PLEKHA8: variants seen among roughly 807,000 people sequenced by gnomAD.
PLEKHA8 encodes the protein pleckstrin homology domain-containing family A member 8.
In PLEKHA8, 36 loss-of-function variants were observed where a neutral mutation model predicts 68.2. The observed-to-expected ratio is 0.53, with a 90% CI of 0.40 to 0.70. The LOEUF (loss-of-function observed/expected upper bound fraction) is 0.70. Among genes scored for constraint, PLEKHA8 ranks in the 30% least tolerant of loss-of-function variants. The pLI, the probability that PLEKHA8 is intolerant of heterozygous loss-of-function variation, is 0.00. For synonymous variants in PLEKHA8, 211 were observed against 216.1 expected (o/e 0.98, Z 0.20); for missense variants, 505 against 615.4 (o/e 0.82, Z 1.90).
At chr7:30,114,176 G>A (rs1796356443) in intron 13 of PLEKHA8, among the ~76,000 whole-genome samples, 1 of 152,170 alleles carries the variant, frequency 6.6e-6, no homozygotes, top group African/African-American at 2.4e-5. Context: ...TGGGATTACA[G>A]GAGTGAGACA....
At position 30,049,199 on chromosome 7, in the gene PLEKHA8, G is replaced by A. The variant is rs73305152; in HGVS notation, c.439-25G>A. On this transcript the variant is annotated intron_variant, in intron 4 of 13. Coordinates refer to ENST00000449726, the MANE Select transcript of PLEKHA8 (RefSeq NM_001197026.2). ...TTTTCTTTTTTGGCAAGGTAAAGGA[G>A]TCTTCCACTCTGGTTGTTTCGTAGG... The A allele has an allele frequency of 2.5e-4, 401 of 1,613,278 alleles. No homozygotes were observed. In the African/African-American group the frequency reaches 4.8e-3, roughly 19 times the overall value.
At chr7:30,037,062 T>C (rs1463613536) in intron 1 of PLEKHA8, among the ~76,000 whole-genome samples, 3 of 152,088 alleles carry the variant, frequency 2.0e-5, no homozygotes, top group Non-Finnish European at 4.4e-5. Context: ...AGCGCTTAGG[T>C]TGGATATTGG....
chr7:30,050,478 C>A lies in PLEKHA8; in HGVS notation c.638+4C>A. On this transcript the variant is annotated splice_donor_region_variant and intron_variant, in intron 6 of 13. Coordinates refer to ENST00000449726, the MANE Select transcript of PLEKHA8 (RefSeq NM_001197026.2). The stretch of plus-strand genomic sequence containing the variant: ...CAATTCATAATTCATTGGAAAGGTA[C>A]AGTAGCTTTTTTCTTCTTGCTAAAA... 6.4e-7 allele frequency: 1 copy of A among 1,558,310 alleles called. No homozygotes were observed. The highest frequency in any genetic ancestry group is 8.6e-7 in the Non-Finnish European group (1 of 1,157,570).
intron 1 of PLEKHA8, among the ~76,000 whole-genome samples, chr7:30,032,757 T>C (rs892534668): frequency 6.6e-6 from 1 of 152,228 alleles, no homozygotes; most frequent in African/African-American, 2.4e-5. Flanking sequence ...GTTGTGCATA[T>C]GTTTTGCCAC....
intron 13 of PLEKHA8, among the ~76,000 whole-genome samples, chr7:30,121,622 C>T (rs1796699251): frequency 6.7e-6 from 1 of 148,450 alleles, no homozygotes; most frequent in Non-Finnish European, 1.5e-5. Context: ...GAGCGAGACC[C>T]TGTCTAAAAA....
At chr7:30,120,156 T>TAA (rs377419534) in intron 13 of PLEKHA8, among the ~76,000 whole-genome samples, 4 of 101,852 alleles carry the variant, frequency 3.9e-5, no homozygotes, top group Non-Finnish European at 8.4e-5. Flanking sequence ...TACAAATAAT[T>TAA]AAAAAAAAAA....
chr7:30,046,785 A>G (rs1791996367), intron 3 of PLEKHA8, among the ~76,000 whole-genome samples: 1 of 152,200 alleles, frequency 6.6e-6, no homozygotes, highest in Non-Finnish European at 1.5e-5. Flanking sequence ...GGAGTAGTTG[A>G]GCCAGATAAG....
Position 30,084,363 on chromosome 7 carries a change from C to T in PLEKHA8, c.*5576C>T, listed in dbSNP as rs1795089571. 1 of 985,178 alleles carries T rather than the reference C, an allele frequency of 1.0e-6. No homozygotes were observed. Among genetic ancestry groups the T allele is most frequent in the South Asian group, 4.7e-5 (1 of 21,288 alleles). The allele number at this position is 985,178 out of a possible 1,614,324, so 61.0% of individuals were successfully genotyped here. A position where few individuals can be genotyped will look rare whatever the true frequency, so the allele number is the denominator to read the frequency against. On this transcript the variant is annotated 3_prime_UTR_variant, in exon 14 of 14. Coordinates refer to ENST00000449726, the MANE Select transcript of PLEKHA8 (RefSeq NM_001197026.2). Reference sequence around the variant, plus strand: ...CTTGTCTCTCAGCATTTTGAATGAGCATCATAATCAGAGTAGAAGGCAAGT... The same window carrying T: ...CTTGTCTCTCAGCATTTTGAATGAGTATCATAATCAGAGTAGAAGGCAAGT...
At chr7:30,085,465 T>A (rs1405286416), downstream of PLEKHA8, among the ~76,000 whole-genome samples, 1 of 152,232 alleles carries the variant, frequency 6.6e-6, no homozygotes, top group Non-Finnish European at 1.5e-5. Flanking sequence ...TTTCAATGGC[T>A]GTGTGCTTAA....
chr7:30,111,632 T>G (rs1159590420), intron 13 of PLEKHA8, among the ~76,000 whole-genome samples: 1 of 152,116 alleles, frequency 6.6e-6, no homozygotes, highest in East Asian at 1.9e-4. Context: ...GGACTTTTTT[T>G]TTTTTGAGAC....
At chr7:30,056,278 T>TTCTCTCTCTCTCCCTCTCTCTCTCTC (rs1554384846) in intron 9 of PLEKHA8, among the ~76,000 whole-genome samples, 1 of 56,384 alleles carries the variant, frequency 1.8e-5, no homozygotes, top group African/African-American at 6.0e-5. Flanking sequence ...TAAAGATATA[T>TTCTCTCTCTCTCCCTCTCTCTCTCTC]TCTCTCTCTC....
At position 30,059,508 on chromosome 7, in the gene PLEKHA8, A is replaced by G. The variant is rs565664631; in HGVS notation, c.1040-1376A>G. ...ATTTGTTTCTATCATCTTGCTACTT[A>G]TTTTCTGCTTTTCTCTGTATGTTCT... On this transcript the variant is annotated intron_variant, in intron 9 of 13. Coordinates refer to ENST00000449726, the MANE Select transcript of PLEKHA8 (RefSeq NM_001197026.2). 2.7e-5 allele frequency among the ~76,000 whole-genome samples: 4 copies of G among 150,644 alleles called. No individual in the cohort carries two copies. In the South Asian group the frequency reaches 8.4e-4, roughly 32 times the overall value.
At position 30,079,769 on chromosome 7, in the gene PLEKHA8, G is replaced by T. The variant is rs1438092083; in HGVS notation, c.*982G>T. The T allele has an allele frequency of 5.4e-6, 4 of 740,062 alleles. No individual in the cohort carries two copies. The South Asian group carries it at 1.8e-4, about 34-fold the overall frequency. The allele number at this position is 740,062 out of a possible 1,614,324, so 45.8% of individuals were successfully genotyped here. A position where few individuals can be genotyped will look rare whatever the true frequency, so the allele number is the denominator to read the frequency against. ...GGCCTAAAGAACCAGAGTCTAGGTGGTGGGACATAGGAATCTGCATTTCAG... is the reference window on the plus strand; with the variant it reads ...GGCCTAAAGAACCAGAGTCTAGGTGTTGGGACATAGGAATCTGCATTTCAG... On this transcript the variant is annotated 3_prime_UTR_variant, in exon 14 of 14. Transcript: ENST00000449726.
chr7:30,116,181 T>C lies in PLEKHA8; in HGVS notation c.1363-13085T>C, dbSNP rs571313474. Among the ~76,000 whole-genome samples, 9 of 151,078 alleles carry C rather than the reference T, an allele frequency of 6.0e-5. No homozygotes were observed. The South Asian group carries it at 1.7e-3, about 28-fold the overall frequency. On this transcript the variant is annotated intron_variant, in intron 13 of 13. Transcript: ENST00000396257. Reference sequence around the variant, plus strand: ...ACGTATACATGTGTATACATATGTATACATACGCATACATACACGTATACA... The same window carrying C: ...ACGTATACATGTGTATACATATGTACACATACGCATACATACACGTATACA...
chr7:30,095,743 G>A (rs1487962790), downstream of PLEKHA8, among the ~76,000 whole-genome samples: 1 of 152,126 alleles, frequency 6.6e-6, no homozygotes, highest in East Asian at 1.9e-4. Context: ...TTCTACATAT[G>A]GCTAGCCAGT....
At chr7:30,059,044 C>G (rs1284108117) in intron 9 of PLEKHA8, among the ~76,000 whole-genome samples, 1 of 152,208 alleles carries the variant, frequency 6.6e-6, no homozygotes, top group East Asian at 1.9e-4. Context: ...TCACACGAGC[C>G]TGGGATATCA....
chr7:30,091,124 C>G (rs991580480), downstream of PLEKHA8, among the ~76,000 whole-genome samples: 1 of 152,122 alleles, frequency 6.6e-6, no homozygotes, highest in East Asian at 1.9e-4. Context: ...CCCTCCAGTC[C>G]GGGCAATACA....
In PLEKHA8 at chr7:30,082,287, A is replaced by G. The variant is rs1794974080; in HGVS notation, c.*3500A>G. 1.0e-6 allele frequency: 1 copy of G among 985,366 alleles called. No individual in the cohort carries two copies. The highest frequency in any genetic ancestry group is 1.7e-5 in the African/African-American group (1 of 57,218). 61.0% of individuals were successfully genotyped at this position (985,366 alleles called of 1,614,324 possible). A position where few individuals can be genotyped will look rare whatever the true frequency, so the allele number is the denominator to read the frequency against. ...TTTTCTCTCTTCTTTGCTACTGAAA[A>G]TTGCCAGCAGTACCGCCATCAGCAC... is the stretch of plus-strand genomic sequence containing the variant. On this transcript the variant is annotated 3_prime_UTR_variant, in exon 14 of 14. Coordinates refer to ENST00000449726, the MANE Select transcript of PLEKHA8 (RefSeq NM_001197026.2).
intron 13 of PLEKHA8, among the ~76,000 whole-genome samples, chr7:30,116,334 G>A (rs1365432369): frequency 6.6e-6 from 1 of 151,174 alleles, no homozygotes; most frequent in Non-Finnish European, 1.5e-5. Flanking sequence ...ATGTGTGTAT[G>A]TATATATGTA....
Sources: allele counts gnomAD v4.1 joint callset (sites outside exome capture counted in the v4.1 genomes callset), GRCh38; gene constraint gnomAD v4.1.1; transcripts MANE v1.5; gene names NCBI Gene and HGNC (gene_info 2026-07-23, HGNC 2026-07-21).